Variants in TMEM131 observed in about 807,000 individuals in gnomAD.
The protein encoded by TMEM131 is transmembrane protein 131, also known as 2610524E03Rik.
Under a neutral mutation model 211.6 loss-of-function variants are expected in TMEM131, and 66 were observed. The observed-to-expected ratio is 0.31, with a 90% confidence interval of 0.26 to 0.38. The LOEUF (loss-of-function observed/expected upper bound fraction) is 0.38, where lower values mean the gene tolerates loss of function less well. TMEM131 is among the 10% of genes least tolerant of loss of function. TMEM131 has a pLI of 1.00. For synonymous variants in TMEM131, 844 were observed against 841.3 expected (o/e 1.00, Z -0.06); for missense variants, 2,036 against 2,299.3 (o/e 0.89, Z 2.34).
rs1371659053 is a variant in TMEM131 at position 97,805,221 on chromosome 2, A to AT, written c.2285-17dup. On this transcript the variant is annotated splice_polypyrimidine_tract_variant and intron_variant, in intron 21 of 40. Coordinates refer to ENST00000186436, the MANE Select transcript of TMEM131 (RefSeq NM_015348.2). ...TTGGGTTCAGCTAAAACAAGGAAAC[A>AT]TACTTAACCTGCATCTATACTCACT... The AT allele has an allele frequency of 6.2e-7, 1 of 1,604,234 alleles. No individual in the cohort carries two copies. Among genetic ancestry groups the AT allele is most frequent in the African/African-American group, 1.3e-5 (1 of 74,480 alleles).
At chr2:97,905,882 G>A (rs1168744249) in intron 3 of TMEM131, among the ~76,000 whole-genome samples, 3 of 152,192 alleles carry the variant, frequency 2.0e-5, no homozygotes, top group Non-Finnish European at 4.4e-5. Flanking sequence ...TGTAGAAAAT[G>A]AGATCTGCCA....
intron 5 of TMEM131, among the ~76,000 whole-genome samples, chr2:97,847,206 A>G (rs762855640): frequency 7.2e-5 from 11 of 152,012 alleles, no homozygotes; most frequent in South Asian, 4.2e-4. Flanking sequence ...AGTGCAAAGA[A>G]GTGCGAAAAA....
intron 31 of TMEM131, among the ~76,000 whole-genome samples, chr2:97,776,244 C>T (rs773070235): frequency 2.6e-5 from 4 of 151,946 alleles, no homozygotes; most frequent in Non-Finnish European, 4.4e-5. Context: ...TTAGTAGAGA[C>T]GGGGTTTCGT....
intron 31 of TMEM131, among the ~76,000 whole-genome samples, chr2:97,776,632 T>A (rs1679747945): frequency 6.6e-6 from 1 of 152,192 alleles, no homozygotes; most frequent in Non-Finnish European, 1.5e-5. Flanking sequence ...CTCAGAATGT[T>A]CTTATATTCT....
At chr2:97,875,389 C>A (rs190443871) in intron 4 of TMEM131, among the ~76,000 whole-genome samples, 10 of 152,168 alleles carry the variant, frequency 6.6e-5, no homozygotes, top group African/African-American at 2.4e-4. Flanking sequence ...CTACAGAACT[C>A]TCCACCCCTA....
At chr2:97,994,065 C>G (rs1435424621) in intron 1 of TMEM131, among the ~76,000 whole-genome samples, 1 of 152,206 alleles carries the variant, frequency 6.6e-6, no homozygotes, top group Non-Finnish European at 1.5e-5. Context: ...CAATACCCAC[C>G]AAGGTCTACT....
chr2:97,873,606 C>G (rs1034399379), intron 4 of TMEM131, among the ~76,000 whole-genome samples: 1 of 152,228 alleles, frequency 6.6e-6, no homozygotes, highest in African/African-American at 2.4e-5. Context: ...CCAAGGCAAA[C>G]AGCGTCGGGA....
intron 1 of TMEM131, among the ~76,000 whole-genome samples, chr2:97,942,243 C>T (rs1677766142): frequency 6.9e-6 from 1 of 145,830 alleles, no homozygotes; most frequent in Non-Finnish European, 1.5e-5. Context: ...CCAAACACCA[C>T]ATGTTCTCAT....
At chr2:97,869,264 T>C (rs1674395706) in intron 4 of TMEM131, among the ~76,000 whole-genome samples, 1 of 152,158 alleles carries the variant, frequency 6.6e-6, no homozygotes, top group East Asian at 1.9e-4. Flanking sequence ...GACAGGTAAT[T>C]TGGGGTATCC....
chr2:97,762,283 T>A, intron 35 of TMEM131, 83 bp from the exon 36 acceptor site: 1 of 1,364,132 alleles, frequency 7.3e-7, no homozygotes, highest in Non-Finnish European at 1.0e-6. Flanking sequence ...TCTCTAAGAC[T>A]ATGCATAACT....
At chr2:97,799,558 A>T (rs996814770) in intron 25 of TMEM131, among the ~76,000 whole-genome samples, 2 of 152,230 alleles carry the variant, frequency 1.3e-5, no homozygotes, top group African/African-American at 2.4e-5. Context: ...AATAAAATTC[A>T]AGCTTTTGAG....
At chr2:97,882,378 A>G (rs1674971503) in intron 4 of TMEM131, among the ~76,000 whole-genome samples, 1 of 152,156 alleles carries the variant, frequency 6.6e-6, no homozygotes, top group African/African-American at 2.4e-5. Context: ...GCTGGGAGAG[A>G]TTTTGCCAAC....
At chr2:97,854,775 C>G (rs994486469) in intron 5 of TMEM131, among the ~76,000 whole-genome samples, 1 of 152,152 alleles carries the variant, frequency 6.6e-6, no homozygotes, top group African/African-American at 2.4e-5. Context: ...AGACTTTATA[C>G]TGCTTGGTCC....
At chr2:97,837,953 TAG>T (rs1683008557) in intron 7 of TMEM131, among the ~76,000 whole-genome samples, 4 of 152,238 alleles carry the variant, frequency 2.6e-5, no homozygotes, top group African/African-American at 7.2e-5. Flanking sequence ...TCATATTTTC[TAG>T]AGTTTTATCT....
chr2:97,777,839 A>C (rs1679810861), intron 31 of TMEM131, among the ~76,000 whole-genome samples: 1 of 151,102 alleles, frequency 6.6e-6, no homozygotes, highest in Non-Finnish European at 1.5e-5. Context: ...AGCCAAACCA[A>C]GCCAAACCAA....
chr2:97,900,707 T>C (rs1455853882), intron 3 of TMEM131, among the ~76,000 whole-genome samples: 1 of 151,666 alleles, frequency 6.6e-6, no homozygotes, highest in African/African-American at 2.4e-5. Flanking sequence ...ACATAATTAT[T>C]TCATTTCTCT....
At chr2:97,899,517 A>G (rs1675759642) in intron 3 of TMEM131, among the ~76,000 whole-genome samples, 1 of 152,150 alleles carries the variant, frequency 6.6e-6, no homozygotes, top group African/African-American at 2.4e-5. Context: ...TTAAAGACAA[A>G]CTAAAACTAC....
chr2:97,785,722 T>C (rs942222785), intron 31 of TMEM131, among the ~76,000 whole-genome samples: 3 of 152,222 alleles, frequency 2.0e-5, no homozygotes, highest in Non-Finnish European at 4.4e-5. Context: ...ACACAAATAT[T>C]TGTAGCATCT....
chr2:97,984,151 A>C (rs1486489289), intron 1 of TMEM131, among the ~76,000 whole-genome samples: 1 of 152,174 alleles, frequency 6.6e-6, no homozygotes, highest in African/African-American at 2.4e-5. Context: ...CTATTCCATT[A>C]ATTTGTCTAT....
Sources: gnomAD v4.1 joint callset for allele counts (sites outside exome capture counted in the v4.1 genomes callset) on GRCh38, gnomAD v4.1.1 for gene constraint, MANE v1.5 for transcripts, NCBI Gene and HGNC (gene_info 2026-07-23, HGNC 2026-07-21) for gene names.